RASEF: variants seen among roughly 807,000 people sequenced by gnomAD.
RASEF encodes the protein RAS and EF-hand domain containing.
A neutral mutation model predicts 90.1 loss-of-function variants in RASEF; 68 were observed. That is an observed-to-expected ratio of 0.75 (90% CI 0.62 to 0.92). RASEF has a LOEUF of 0.92. Among genes scored for constraint, RASEF ranks in the 40% least tolerant of loss-of-function variants. The probability of loss-of-function intolerance (pLI) is 0.00; values close to 1 mark genes in which losing one functional copy is unlikely to be tolerated. For synonymous variants in RASEF, 331 were observed against 345.2 expected (o/e 0.96, Z 0.46); for missense variants, 949 against 937.2 (o/e 1.01, Z -0.16).
chr9:83,204,690 T>A, the RASEF span, among the ~76,000 whole-genome samples: 1 of 152,222 alleles, frequency 6.6e-6, no homozygotes, highest in African/African-American at 2.4e-5. Context: ...TGAGAAAAAA[T>A]TAGCATGCTT....
At chr9:83,017,421 AC>A (rs1282859136) in intron 3 of RASEF, among the ~76,000 whole-genome samples, 4 of 151,452 alleles carry the variant, frequency 2.6e-5, no homozygotes, top group African/African-American at 9.7e-5. Context: ...AATGGCGTGA[AC>A]CCGGGAGGTG....
At chr9:83,069,805 T>A in the RASEF span, among the ~76,000 whole-genome samples, 1 of 152,224 alleles carries the variant, frequency 6.6e-6, no homozygotes, top group African/African-American at 2.4e-5. Context: ...TTCCAGTTGC[T>A]CCACATTCTT....
At chr9:83,178,248 C>T in the RASEF span, among the ~76,000 whole-genome samples, 1 of 152,166 alleles carries the variant, frequency 6.6e-6, no homozygotes, top group African/African-American at 2.4e-5. Context: ...CTAGCAAAAA[C>T]ACCACATATC....
At chr9:83,087,578 G>GT in the RASEF span, among the ~76,000 whole-genome samples, 3 of 151,908 alleles carry the variant, frequency 2.0e-5, no homozygotes, top group African/African-American at 7.2e-5. Context: ...ATTGTTTACA[G>GT]TTTTTTTTAA....
Position 83,062,932 on chromosome 9 carries a change from G to T in RASEF, c.-65C>A. 1 of 1,360,102 alleles carries T rather than the reference G, an allele frequency of 7.4e-7. No homozygotes were observed. The highest frequency in any genetic ancestry group is 9.4e-7 in the Non-Finnish European group (1 of 1,061,984). The allele number at this position is 1,360,102 out of a possible 1,614,324, so 84.3% of individuals were successfully genotyped here. ...GCGGGGCGCAGGGCCCTCCCTGGAA[G>T]GACGGGGCCACCTGCTGCCGCCGGG... On this transcript the variant is annotated 5_prime_UTR_variant, in exon 1 of 17. Coordinates refer to ENST00000376447, the MANE Select transcript of RASEF (RefSeq NM_152573.4).
Position 82,997,973 on chromosome 9 carries a change from C to T in RASEF, c.1805+392G>A, listed in dbSNP as rs12005120. On this transcript the variant is annotated intron_variant, in intron 13 of 16. Transcript: ENST00000376447. ...CATCACCAAATGCAAGTCTGCTATG[C>T]GGTTTGTGCCTCTGCCCTTAATCAA... Among the ~76,000 whole-genome samples the T allele has an allele frequency of 3.6e-3, 552 of 152,254 alleles. 3 individuals are homozygous for T. Among genetic ancestry groups the T allele is most frequent in the African/African-American group, 0.013 (529 of 41,556 alleles).
chr9:83,005,689 T>C (rs75037678), intron 7 of RASEF, among the ~76,000 whole-genome samples, 189 bp from the exon 8 acceptor site: 2,211 of 152,312 alleles, frequency 0.015, 49 homozygotes, highest in African/African-American at 0.051. Flanking sequence ...AGAACTAAAT[T>C]GATTACTCCT....
intron 12 of RASEF, among the ~76,000 whole-genome samples, chr9:82,998,860 GTATGTA>G (rs1244547943): frequency 4.6e-5 from 7 of 152,004 alleles, no homozygotes; most frequent in South Asian, 2.1e-4. Flanking sequence ...GTATATGCAT[GTATGTA>G]TATGTATATG....
Position 83,004,542 on chromosome 9 carries a change from A to G in RASEF, c.1158T>C (p.Ser386=). ...GAGGGGAATGACCAATGAATTTGGG[A>G]CTGCTTCTAGAAATTGTATTCCCTG... ...ISPGNTISRS[S]PKFIGHSPQP... The change falls in exon 9 of 17, where the codon AGT becomes AGC. Residue 386 remains serine (S), a synonymous_variant. Coordinates refer to ENST00000376447, the MANE Select transcript of RASEF (RefSeq NM_152573.4). 1 of 1,602,962 alleles carries G rather than the reference A, an allele frequency of 6.2e-7. No individual in the cohort carries two copies. The highest frequency in any genetic ancestry group is 1.1e-5 in the South Asian group (1 of 90,884).
At chr9:83,167,141 T>C in the RASEF span, among the ~76,000 whole-genome samples, 1 of 152,108 alleles carries the variant, frequency 6.6e-6, no homozygotes, top group Non-Finnish European at 1.5e-5. Flanking sequence ...TTAATATACT[T>C]GAAAGGCTTA....
rs573025231 is a variant in RASEF at position 82,996,742 on chromosome 9, G to A, written c.1920+270C>T. Among the ~76,000 whole-genome samples the A allele has an allele frequency of 6.6e-5, 10 of 152,208 alleles. No individual in the cohort carries two copies. The South Asian group carries it at 1.0e-3, about 16-fold the overall frequency. ...GCTACCTGGATTTTTACTTGCTTAC[G>A]ATGGGATTCTGATTTTATCTATAAG... On this transcript the variant is annotated intron_variant, in intron 14 of 16. Coordinates refer to ENST00000376447, the MANE Select transcript of RASEF (RefSeq NM_152573.4).
the RASEF span, among the ~76,000 whole-genome samples, chr9:83,092,991 G>C: frequency 1.3e-5 from 2 of 151,698 alleles, no homozygotes; most frequent in Non-Finnish European, 2.9e-5. Flanking sequence ...TAGATACAAA[G>C]TGCCGATTGG....
the RASEF span, among the ~76,000 whole-genome samples, chr9:83,200,755 T>C: frequency 6.6e-6 from 1 of 152,162 alleles, no homozygotes; most frequent in Non-Finnish European, 1.5e-5. Context: ...AGGGCCTCAG[T>C]GAGCTTGCTA....
chr9:83,185,604 T>A, the RASEF span, among the ~76,000 whole-genome samples: 3 of 152,034 alleles, frequency 2.0e-5, no homozygotes, highest in Admixed American at 6.6e-5. Flanking sequence ...CAGTCTGATG[T>A]TCCCAACAAC....
chr9:83,169,942 T>C, the RASEF span, among the ~76,000 whole-genome samples: 1 of 152,030 alleles, frequency 6.6e-6, no homozygotes, highest in Non-Finnish European at 1.5e-5. Context: ...TATAATCCCA[T>C]TTGTCATTTT....
intron 3 of RASEF, among the ~76,000 whole-genome samples, chr9:83,020,526 T>C (rs941006868): frequency 3.3e-5 from 5 of 152,206 alleles, no homozygotes; most frequent in African/African-American, 1.2e-4. Context: ...GCTGCTCAGC[T>C]GGCAGTGACG....
chr9:83,025,770 A>C lies in RASEF; in HGVS notation c.578+5T>G. On this transcript the variant is annotated splice_donor_5th_base_variant and intron_variant, in intron 2 of 16. Transcript: ENST00000376447. ...AGGCCACTTATAAAGGAAGGACTTC[A>C]ATACCTCTTCACCGCAATGGCCAAA... The C allele has an allele frequency of 6.2e-7, 1 of 1,613,036 alleles. No homozygotes were observed. The highest frequency in any genetic ancestry group is 8.5e-7 in the Non-Finnish European group (1 of 1,179,666).
chr9:83,204,302 C>T, the RASEF span, among the ~76,000 whole-genome samples: 1 of 151,898 alleles, frequency 6.6e-6, no homozygotes, highest in Non-Finnish European at 1.5e-5. Context: ...AGGGACTGAT[C>T]AATGTTGTTT....
intron 4 of RASEF, among the ~76,000 whole-genome samples, chr9:83,015,225 G>A (rs1007502059): frequency 2.6e-5 from 4 of 152,240 alleles, no homozygotes; most frequent in Non-Finnish European, 4.4e-5. Context: ...GAAGCATGCA[G>A]TCTACCAGAC....
Sources: gnomAD v4.1 joint callset for allele counts (sites outside exome capture counted in the v4.1 genomes callset) on GRCh38, gnomAD v4.1.1 for gene constraint, MANE v1.5 for transcripts, NCBI Gene and HGNC (gene_info 2026-07-23, HGNC 2026-07-21) for gene names.